The following KHDRBS1 variants were observed in gnomAD, a reference collection of about 807,000 sequenced individuals.
The protein encoded by KHDRBS1 is KH domain-containing, RNA-binding, signal transduction-associated protein 1.
A neutral mutation model predicts 48.4 loss-of-function variants in KHDRBS1; 7 were observed. The ratio of observed to expected loss-of-function variants is 0.14; its 90% CI spans 0.08 to 0.27. KHDRBS1 has a LOEUF of 0.27. KHDRBS1 is among the 10% of genes least tolerant of loss of function. The pLI, the probability that KHDRBS1 is intolerant of heterozygous loss-of-function variation, is 1.00. For missense variants in KHDRBS1, 458 were observed against 601.2 expected, an observed-to-expected ratio of 0.76 and a Z score of 2.49; for synonymous variants, 241 against 235.8, an observed-to-expected ratio of 1.02 and a Z score of -0.20.
At chr1:32,017,077 GTGAAACCCCGTCTCTA>G (rs1638756230) in intron 1 of KHDRBS1, among the ~76,000 whole-genome samples, 1 of 152,014 alleles carries the variant, frequency 6.6e-6, no homozygotes, top group African/African-American at 2.4e-5. Context: ...GGCCAACATG[GTGAAACCCCGTCTCTA>G]CCAAAAATAC....
intron 1 of KHDRBS1, among the ~76,000 whole-genome samples, chr1:32,028,633 G>T (rs1214271959): frequency 6.7e-6 from 1 of 150,018 alleles, no homozygotes; most frequent in Non-Finnish European, 1.5e-5. Flanking sequence ...CTCCCTAGTA[G>T]CTGGGACTAC....
chr1:32,030,483 C>CCTG, intron 2 of KHDRBS1, 61 bp downstream of exon 2: 1 of 1,460,882 alleles, frequency 6.8e-7, no homozygotes. Context: ...GAGTCATGGG[C>CCTG]TATAATAAAG....
intron 1 of KHDRBS1, among the ~76,000 whole-genome samples, chr1:32,020,606 T>C (rs1638838403): frequency 7.1e-6 from 1 of 141,300 alleles, no homozygotes; most frequent in Non-Finnish European, 1.5e-5. Flanking sequence ...AGTGGAACAG[T>C]ACTGTGCAAT....
At chr1:32,035,872 G>C (rs1639167135) in intron 4 of KHDRBS1, among the ~76,000 whole-genome samples, 2 of 152,172 alleles carry the variant, frequency 1.3e-5, no homozygotes, top group Admixed American at 1.3e-4. Flanking sequence ...TTTGAGAAAA[G>C]AGGAGTTGTA....
intron 3 of KHDRBS1, among the ~76,000 whole-genome samples, chr1:32,032,464 C>T (rs1342756330): frequency 1.3e-5 from 2 of 152,184 alleles, no homozygotes; most frequent in Non-Finnish European, 2.9e-5. Context: ...ACTCCCTAGA[C>T]CATATAAGCA....
At chr1:32,057,730 C>T in intron 10 of KHDRBS1, among the ~76,000 whole-genome samples, 1 of 150,354 alleles carries the variant, frequency 6.7e-6, no homozygotes, top group East Asian at 1.9e-4. Flanking sequence ...ACCCGGGAGG[C>T]AGAGCTTGCA....
chr1:32,031,980 G>A (rs1381476345), intron 3 of KHDRBS1, among the ~76,000 whole-genome samples: 3 of 152,154 alleles, frequency 2.0e-5, no homozygotes, highest in Non-Finnish European at 2.9e-5. Context: ...GACAAAAGAC[G>A]CTAAAATGCA....
chr1:32,018,537 C>T (rs1446739997), intron 1 of KHDRBS1, among the ~76,000 whole-genome samples: 2 of 151,052 alleles, frequency 1.3e-5, no homozygotes, highest in Admixed American at 6.6e-5. Flanking sequence ...GGGTGGATCA[C>T]GAGGTCAGGA....
chr1:32,028,042 G>A (rs937736597), intron 1 of KHDRBS1, among the ~76,000 whole-genome samples: 4 of 152,176 alleles, frequency 2.6e-5, no homozygotes, highest in Non-Finnish European at 5.9e-5. Flanking sequence ...GCTTGAACCC[G>A]GGAAGCAGAG....
At chr1:32,048,202 T>C (rs1639377701), downstream of KHDRBS1, among the ~76,000 whole-genome samples, 1 of 152,188 alleles carries the variant, frequency 6.6e-6, no homozygotes, top group African/African-American at 2.4e-5. Context: ...TTACTGTGTC[T>C]TTCCCTTCTC....
intron 1 of KHDRBS1, among the ~76,000 whole-genome samples, chr1:32,019,792 G>A (rs1036588308): frequency 6.6e-6 from 1 of 152,120 alleles, no homozygotes; most frequent in African/African-American, 2.4e-5. Context: ...TTTGTTTTGA[G>A]ATTGAGTCTC....
intron 1 of KHDRBS1, 91 bp downstream of exon 1, chr1:32,014,468 G>A: frequency 8.2e-7 from 1 of 1,218,198 alleles, no homozygotes; most frequent in Non-Finnish European, 1.0e-6. Flanking sequence ...CGCCCCCTCG[G>A]GACCGAGGCA....
At chr1:32,020,874 G>T (rs768840769) in intron 1 of KHDRBS1, among the ~76,000 whole-genome samples, 1 of 152,148 alleles carries the variant, frequency 6.6e-6, no homozygotes, top group Non-Finnish European at 1.5e-5. Context: ...CTTGACTGAG[G>T]TGGTGGTCAC....
chr1:32,024,665 A>G (rs1040058900), intron 1 of KHDRBS1, among the ~76,000 whole-genome samples: 16 of 151,962 alleles, frequency 1.1e-4, no homozygotes, highest in Admixed American at 2.6e-4. Flanking sequence ...TACTTTAACA[A>G]TTTTATGACC....
chr1:32,031,435 AG>A, intron 2 of KHDRBS1, 88 bp from the exon 3 acceptor site: 1 of 760,088 alleles, frequency 1.3e-6, no homozygotes, highest in Non-Finnish European at 2.2e-6. Flanking sequence ...CTACCTTTGC[AG>A]GGTTGTTTAA....
chr1:32,051,563 G>A (rs1639422364), intron 10 of KHDRBS1, among the ~76,000 whole-genome samples: 1 of 152,200 alleles, frequency 6.6e-6, no homozygotes, highest in African/African-American at 2.4e-5. Flanking sequence ...CTGGTCATAG[G>A]TGGTTTTCCA....
intron 5 of KHDRBS1, among the ~76,000 whole-genome samples, 182 bp downstream of exon 5, chr1:32,037,225 G>A (rs1639200858): frequency 6.6e-6 from 1 of 152,134 alleles, no homozygotes; most frequent in Admixed American, 6.5e-5. Context: ...GCTAAGGCAG[G>A]CGGATCAACT....
intron 3 of KHDRBS1, among the ~76,000 whole-genome samples, chr1:32,032,346 C>G (rs943100914): frequency 3.9e-5 from 6 of 152,154 alleles, no homozygotes. Context: ...TTTGTTTTCT[C>G]AGGTCATTTC....
At chr1:32,019,728 C>T (rs1179283834) in intron 1 of KHDRBS1, among the ~76,000 whole-genome samples, 3 of 152,072 alleles carry the variant, frequency 2.0e-5, no homozygotes, top group Non-Finnish European at 4.4e-5. Flanking sequence ...AGCAGAATAT[C>T]ATTAAGTATA....
Sources: allele counts gnomAD v4.1 joint callset (sites outside exome capture counted in the v4.1 genomes callset), GRCh38; gene constraint gnomAD v4.1.1; transcripts MANE v1.5; gene names NCBI Gene and HGNC (gene_info 2026-07-23, HGNC 2026-07-21).